The following MFAP3L variants were observed in gnomAD, a reference collection of about 807,000 sequenced individuals.
The protein encoded by MFAP3L is microfibrillar-associated protein 3-like.
A neutral mutation model predicts 20.0 loss-of-function variants in MFAP3L; 5 were observed. That is an observed-to-expected ratio of 0.25 (90% CI 0.13 to 0.53). The LOEUF (loss-of-function observed/expected upper bound fraction) is 0.53, where lower values mean the gene tolerates loss of function less well. MFAP3L is among the 20% of genes least tolerant of loss of function. The pLI is 0.96. For missense variants in MFAP3L, 409 were observed against 527.5 expected, an observed-to-expected ratio of 0.78 and a Z score of 2.20; for synonymous variants, 219 against 213.0, an observed-to-expected ratio of 1.03 and a Z score of -0.25.
At chr4:170,000,643 T>G (rs973262676) in intron 2 of MFAP3L, among the ~76,000 whole-genome samples, 2 of 152,226 alleles carry the variant, frequency 1.3e-5, no homozygotes, top group Non-Finnish European at 2.9e-5. Context: ...CTTCTCAATT[T>G]CCAATCATAT....
At position 169,988,212 on chromosome 4, in the gene MFAP3L, A is replaced by T. The variant is rs1737405678; in HGVS notation, c.*3166T>A. 6.6e-6 allele frequency: 1 copy of T among 152,214 alleles called. No individual in the cohort carries two copies. The highest frequency in any genetic ancestry group is 2.1e-4 in the South Asian group (1 of 4,838). 9.4% of individuals were successfully genotyped at this position (152,214 alleles called of 1,614,324 possible). On this transcript the variant is annotated 3_prime_UTR_variant, in exon 3 of 3. Transcript: ENST00000361618. ...TTTGCTAAGTATGGTATACAAAAAG[A>T]TGAGGATAGATGTGCCCTAGAGATA...
chr4:169,991,777 G>A lies in MFAP3L; in HGVS notation c.831C>T (p.Gly277=), dbSNP rs777094968. 6.2e-7 allele frequency: 1 copy of A among 1,613,942 alleles called. No individual in the cohort carries two copies. The highest frequency in any genetic ancestry group is 8.5e-7 in the Non-Finnish European group (1 of 1,179,984). ...GQNFVRHTPE[G]QEAADRDEVY... ...CCTCATCCCTGTCTGCGGCCTCCTGGCCCTCTGGAGTATGCCTCACAAAAT... is the reference window on the plus strand; with the variant it reads ...CCTCATCCCTGTCTGCGGCCTCCTGACCCTCTGGAGTATGCCTCACAAAAT... The change falls in exon 3 of 3, where the codon GGC becomes GGT. Residue 277 remains glycine, a synonymous_variant. Coordinates refer to ENST00000361618, the MANE Select transcript of MFAP3L (RefSeq NM_021647.8). The surrounding 1 kb of genome is among the most constrained non-coding windows in gnomAD (Gnocchi z 4.9).
In MFAP3L at chr4:169,992,332, A is replaced by T. The variant is rs765961688; in HGVS notation, c.299-23T>A. 1 of 1,578,996 alleles carries T rather than the reference A, an allele frequency of 6.3e-7. No homozygotes were observed. Among genetic ancestry groups the T allele is most frequent in the South Asian group, 1.2e-5 (1 of 86,396 alleles). The stretch of plus-strand genomic sequence containing the variant: ...TTCCTGTCGGAAGGGAGAGAAGAGA[A>T]TTCAACCAAGGACACAGAGCTCCCA... On this transcript the variant is annotated intron_variant, in intron 2 of 2. Transcript: ENST00000361618. The surrounding 1 kb of genome is among the most constrained non-coding windows in gnomAD (Gnocchi z 4.3).
At chr4:170,025,569 A>T (rs1227259639) in intron 1 of MFAP3L, among the ~76,000 whole-genome samples, 3 of 152,102 alleles carry the variant, frequency 2.0e-5, no homozygotes, top group Non-Finnish European at 4.4e-5. Flanking sequence ...CAGCTTAATG[A>T]TCAAGCTTAA....
intron 1 of MFAP3L, among the ~76,000 whole-genome samples, chr4:170,010,945 A>T (rs1739341773): frequency 6.6e-6 from 1 of 152,218 alleles, no homozygotes; most frequent in Non-Finnish European, 1.5e-5. Flanking sequence ...CTTGAATTGT[A>T]ATAAACCCCA....
chr4:170,016,976 T>C (rs1254022986), intron 1 of MFAP3L, among the ~76,000 whole-genome samples: 2 of 152,180 alleles, frequency 1.3e-5, no homozygotes, highest in African/African-American at 4.8e-5. Flanking sequence ...ATTGTTGAAG[T>C]GAAAAGCAAT....
intron 1 of MFAP3L, among the ~76,000 whole-genome samples, chr4:170,007,468 C>T (rs1739118868): frequency 6.6e-6 from 1 of 152,200 alleles, no homozygotes; most frequent in African/African-American, 2.4e-5. Flanking sequence ...CCTTCGCTGG[C>T]TGTGTGTCTT....
intron 2 of MFAP3L, among the ~76,000 whole-genome samples, chr4:169,998,016 A>C (rs1738321344): frequency 6.6e-6 from 1 of 151,850 alleles, no homozygotes; most frequent in African/African-American, 2.4e-5. Context: ...AAACCAAACA[A>C]CGTAATAATA....
Position 169,991,715 on chromosome 4 carries a change from G to C in MFAP3L, c.893C>G (p.Ser298Cys), listed in dbSNP as rs546376627. 1.2e-6 allele frequency: 2 copies of C among 1,614,156 alleles called. No homozygotes were observed. The highest frequency in any genetic ancestry group is 1.1e-5 in the South Asian group (1 of 91,076). Reference sequence around the variant, plus strand: ...TGAGGCGTCCGAGTCAGCGGCAGGGGAGTCGCTCCGCTTCAGAGAGTTGGG... The same window carrying C: ...TGAGGCGTCCGAGTCAGCGGCAGGGCAGTCGCTCCGCTTCAGAGAGTTGGG... ...TIPNSLKRSD[S>C]PAADSDASSL... The change falls in exon 3 of 3, where the codon TCC becomes TGC. Residue 298 changes from serine to cysteine, a missense_variant. Ser to Cys is a moderately radical substitution (Grantham distance 112, BLOSUM62 -1). Coordinates refer to ENST00000361618, the MANE Select transcript of MFAP3L (RefSeq NM_021647.8). The surrounding 1 kb of genome is among the most constrained non-coding windows in gnomAD (Gnocchi z 4.9).
At chr4:170,025,955 C>A (rs1033012728) in intron 1 of MFAP3L, among the ~76,000 whole-genome samples, 2 of 152,068 alleles carry the variant, frequency 1.3e-5, no homozygotes, top group Non-Finnish European at 2.9e-5. Context: ...CAGTGGATTC[C>A]GCGCTCCTCG....
At chr4:170,003,401 T>C (rs9312464) in intron 2 of MFAP3L, among the ~76,000 whole-genome samples, 20,976 of 152,030 alleles carry the variant, frequency 0.14, 3,721 homozygotes, top group African/African-American at 0.4. Flanking sequence ...CAAATATAAC[T>C]ACCAACTAGT....
chr4:170,004,807 C>T (rs6830114), intron 2 of MFAP3L, among the ~76,000 whole-genome samples: 11,003 of 152,156 alleles, frequency 0.072, 1,287 homozygotes, highest in African/African-American at 0.25. Flanking sequence ...CACTCCCCCA[C>T]CCCAACCCCT....
At chr4:170,027,090 A>G (rs1452064021), upstream of MFAP3L, 1 of 152,076 alleles carries the variant, frequency 6.6e-6, no homozygotes, top group Non-Finnish European at 1.5e-5. Flanking sequence ...TGTAATTTCC[A>G]CGTTTTTTCT....
intron 1 of MFAP3L, among the ~76,000 whole-genome samples, chr4:170,008,956 G>A (rs567351831): frequency 6.6e-6 from 1 of 152,170 alleles, no homozygotes; most frequent in Non-Finnish European, 1.5e-5. Context: ...GAATCCAACG[G>A]CAATTATTTA....
chr4:169,994,767 A>G (rs1394208499), intron 2 of MFAP3L, among the ~76,000 whole-genome samples: 1 of 152,214 alleles, frequency 6.6e-6, no homozygotes, highest in African/African-American at 2.4e-5. Context: ...CAGATAAATT[A>G]TTACTTAGGA....
chr4:170,020,093 T>C (rs1230258548), intron 1 of MFAP3L, among the ~76,000 whole-genome samples: 2 of 152,192 alleles, frequency 1.3e-5, no homozygotes, highest in African/African-American at 4.8e-5. Context: ...AGCTCCTCCC[T>C]GGCCTGAAGT....
chr4:170,018,530 T>C (rs1266527887), intron 1 of MFAP3L, among the ~76,000 whole-genome samples: 1 of 152,134 alleles, frequency 6.6e-6, no homozygotes, highest in Non-Finnish European at 1.5e-5. Flanking sequence ...GAGGTAGTGA[T>C]GAGATGCCTT....
At chr4:170,010,301 T>G (rs1739293603) in intron 1 of MFAP3L, among the ~76,000 whole-genome samples, 2 of 152,086 alleles carry the variant, frequency 1.3e-5, no homozygotes, top group African/African-American at 2.4e-5. Context: ...CTTTTGCGAT[T>G]AAAAAAAATG....
At chr4:170,025,456 C>T (rs1380877127) in intron 1 of MFAP3L, among the ~76,000 whole-genome samples, 1 of 152,210 alleles carries the variant, frequency 6.6e-6, no homozygotes, top group Admixed American at 6.5e-5. Context: ...TCGATCGTAT[C>T]TTAACTGTTT....
Sources: gnomAD v4.1 joint callset for allele counts (sites outside exome capture counted in the v4.1 genomes callset) on GRCh38, gnomAD v4.1.1 for gene constraint, Gnocchi (gnomAD v3.1) non-coding constraint, MANE v1.5 for transcripts, NCBI Gene and HGNC (gene_info 2026-07-23, HGNC 2026-07-21) for gene names.